The following PRKG1 variants were observed in gnomAD, a reference collection of about 807,000 sequenced individuals.
PRKG1 encodes cGMP-dependent protein kinase 1.
A neutral mutation model predicts 88.1 loss-of-function variants in PRKG1; 35 were observed. That is an observed-to-expected ratio of 0.40 (90% CI 0.30 to 0.53). The LOEUF (loss-of-function observed/expected upper bound fraction) is 0.53. Among genes scored for constraint, PRKG1 ranks in the 20% least tolerant of loss-of-function variants. PRKG1 has a pLI of 0.59. For synonymous variants in PRKG1, 303 were observed against 292.5 expected (o/e 1.04, Z -0.37); for missense variants, 540 against 839.8 (o/e 0.64, Z 4.41).
chr10:51,428,256 G>T (rs567585937), intron 2 of PRKG1, among the ~76,000 whole-genome samples: 1 of 152,264 alleles, frequency 6.6e-6, no homozygotes, highest in South Asian at 2.1e-4. Context: ...ATTAACTGAG[G>T]TAATTTAGGA....
At chr10:51,583,208 G>A (rs1226744586) in intron 3 of PRKG1, among the ~76,000 whole-genome samples, 1 of 152,084 alleles carries the variant, frequency 6.6e-6, no homozygotes, top group Non-Finnish European at 1.5e-5. Flanking sequence ...TGCAAAGAGA[G>A]CCAGGATAAA....
chr10:51,619,266 C>T (rs953522874), intron 3 of PRKG1, among the ~76,000 whole-genome samples: 1 of 152,040 alleles, frequency 6.6e-6, no homozygotes, highest in South Asian at 2.1e-4. Context: ...ATCAATGTCC[C>T]AAGTAAAGTA....
intron 7 of PRKG1, among the ~76,000 whole-genome samples, chr10:52,074,783 A>G (rs990719453): frequency 3.9e-5 from 6 of 152,202 alleles, no homozygotes; most frequent in East Asian, 1.9e-4. Context: ...TCTGATGCCT[A>G]CAAAAGAAAT....
intron 2 of PRKG1, among the ~76,000 whole-genome samples, chr10:51,258,572 T>C (rs1225799835): frequency 6.6e-6 from 1 of 152,226 alleles, no homozygotes; most frequent in Admixed American, 6.5e-5. Context: ...CAGCTTCCAC[T>C]GTGCATTCTG....
At chr10:51,720,019 A>T (rs539911873) in intron 3 of PRKG1, among the ~76,000 whole-genome samples, 1 of 152,272 alleles carries the variant, frequency 6.6e-6, no homozygotes, top group South Asian at 2.1e-4. Flanking sequence ...TTGTTCTGGA[A>T]GTAGCCAAGA....
chr10:51,755,468 C>G (rs1027121555), intron 3 of PRKG1, among the ~76,000 whole-genome samples: 1 of 152,204 alleles, frequency 6.6e-6, no homozygotes, highest in Non-Finnish European at 1.5e-5. Flanking sequence ...AGCTAGAGAT[C>G]TGCTGCTAAC....
intron 2 of PRKG1, among the ~76,000 whole-genome samples, chr10:51,420,166 T>G (rs1838368784): frequency 6.6e-6 from 1 of 151,996 alleles, no homozygotes; most frequent in Non-Finnish European, 1.5e-5. Flanking sequence ...ATGGTGGAAG[T>G]TGAAGCGGGA....
chr10:51,950,525 G>A (rs897097784), intron 5 of PRKG1, among the ~76,000 whole-genome samples: 2 of 152,264 alleles, frequency 1.3e-5, no homozygotes, highest in Admixed American at 6.5e-5. Flanking sequence ...CCTTGCGGAA[G>A]GGAGCACGTG....
chr10:51,930,383 G>A (rs1482211822), intron 5 of PRKG1, among the ~76,000 whole-genome samples: 1 of 150,736 alleles, frequency 6.6e-6, no homozygotes, highest in Admixed American at 6.6e-5. Flanking sequence ...GGTTAAGATA[G>A]TAAATATTAT....
chr10:51,200,533 G>A (rs572613524), intron 2 of PRKG1, among the ~76,000 whole-genome samples: 31 of 152,246 alleles, frequency 2.0e-4, no homozygotes, highest in African/African-American at 6.7e-4. Flanking sequence ...TACATTTATT[G>A]TCTCCCTTAC....
At chr10:52,072,084 G>A (rs544401611) in intron 7 of PRKG1, among the ~76,000 whole-genome samples, 8 of 150,928 alleles carry the variant, frequency 5.3e-5, no homozygotes, top group East Asian at 3.9e-4. Flanking sequence ...ACTCCTGTGC[G>A]GCTCCAGCTT....
At chr10:51,620,707 A>G (rs1181449660) in intron 3 of PRKG1, among the ~76,000 whole-genome samples, 1 of 152,048 alleles carries the variant, frequency 6.6e-6, no homozygotes, top group Non-Finnish European at 1.5e-5. Flanking sequence ...AGTTATGTAC[A>G]AGTCAGGTAA....
At chr10:52,062,936 T>A (rs1846271863) in intron 7 of PRKG1, 1 of 631,018 alleles carries the variant, frequency 1.6e-6, no homozygotes, top group African/African-American at 1.9e-5. Context: ...CCTGCTAAAC[T>A]TTGTGCAATG....
At chr10:51,911,018 T>C (rs1053519724) in intron 5 of PRKG1, 2 of 152,194 alleles carry the variant, frequency 1.3e-5, no homozygotes, top group African/African-American at 4.8e-5. Context: ...TGGTGGTTTA[T>C]TGAAGTCAGC....
At chr10:51,032,325 A>G (rs1041537828) in intron 1 of PRKG1, among the ~76,000 whole-genome samples, 8 of 148,418 alleles carry the variant, frequency 5.4e-5, no homozygotes, top group Admixed American at 5.4e-4. Context: ...TCTCTTGGCA[A>G]CTCTCATCTG....
chr10:51,947,281 A>G (rs1259506105), intron 5 of PRKG1, among the ~76,000 whole-genome samples: 1 of 152,044 alleles, frequency 6.6e-6, no homozygotes, highest in African/African-American at 2.4e-5. Context: ...TGTGGGATAT[A>G]ATCTCCTGGT....
At chr10:52,292,813 G>A (rs1476726467) in intron 17 of PRKG1, among the ~76,000 whole-genome samples, 2 of 151,636 alleles carry the variant, frequency 1.3e-5, no homozygotes, top group African/African-American at 2.4e-5. Flanking sequence ...CATACTGAAT[G>A]GGCAAAAACT....
intron 5 of PRKG1, among the ~76,000 whole-genome samples, chr10:52,015,396 C>A (rs11000469): frequency 0.16 from 24,146 of 152,154 alleles, 2,445 homozygotes; most frequent in East Asian, 0.32. Context: ...TGGGACACAG[C>A]GCACCATGTC....
chr10:52,084,739 A>C (rs114897386), intron 7 of PRKG1, among the ~76,000 whole-genome samples: 213 of 152,224 alleles, frequency 1.4e-3, no homozygotes, highest in African/African-American at 4.8e-3. Flanking sequence ...TGACATAGAT[A>C]TAATAGTTTA....
Sources: gnomAD v4.1 joint callset for allele counts (sites outside exome capture counted in the v4.1 genomes callset) on GRCh38, gnomAD v4.1.1 for gene constraint, MANE v1.5 for transcripts, NCBI Gene and HGNC (gene_info 2026-07-23, HGNC 2026-07-21) for gene names.